SHC4: variants seen among roughly 807,000 people sequenced by gnomAD.
The protein encoded by SHC4 is SHC adaptor protein 4.
In SHC4, 41 loss-of-function variants were observed where a neutral mutation model predicts 69.4. The ratio of observed to expected loss-of-function variants is 0.59; its 90% CI spans 0.46 to 0.77. The LOEUF is 0.77. Ranked by LOEUF, SHC4 falls within the 30% of genes least tolerant of loss-of-function variation. The pLI is 0.00. For synonymous variants in SHC4, 318 were observed against 299.3 expected (o/e 1.06, Z -0.64); for missense variants, 777 against 783.8 (o/e 0.99, Z 0.10).
chr15:48,848,001 T>TAAAAAAAAAAAAAAAAAAAAAAAA (rs571529935), intron 9 of SHC4, among the ~76,000 whole-genome samples: 1 of 99,842 alleles, frequency 1.0e-5, no homozygotes, highest in Admixed American at 9.9e-5. Flanking sequence ...AAACTCCGTC[T>TAAAAAAAAAAAAAAAAAAAAAAAA]AAAAAAAAAA....
rs572890576 is a variant in SHC4 at position 48,942,361 on chromosome 15, G to A, written c.586-17412C>T. Among the ~76,000 whole-genome samples the A allele has an allele frequency of 1.4e-4, 21 of 152,004 alleles. No individual in the cohort carries two copies. The East Asian group carries it at 3.3e-3, about 24-fold the overall frequency. On this transcript the variant is annotated intron_variant, in intron 1 of 11. Coordinates refer to ENST00000332408, the MANE Select transcript of SHC4 (RefSeq NM_203349.4). ...CAAACATCAGGTTCCCATTAAAATC[G>A]AACATAGATTTTTGAATCAAACTCA...
chr15:48,916,282 C>T (rs1274001538), intron 2 of SHC4, among the ~76,000 whole-genome samples: 13 of 67,244 alleles, frequency 1.9e-4, no homozygotes, highest in African/African-American at 6.2e-4. Flanking sequence ...CTCACACACA[C>T]ACACACACAC....
chr15:48,907,838 G>A lies in SHC4; in HGVS notation c.657-17027C>T, dbSNP rs200327026. Among the ~76,000 whole-genome samples the A allele has an allele frequency of 4.8e-4, 55 of 113,780 alleles. No individual in the cohort carries two copies. In the East Asian group the frequency reaches 4.9e-3, roughly 10 times the overall value. 74.6% of individuals were successfully genotyped at this position (113,780 alleles called of 152,430 possible). On this transcript the variant is annotated intron_variant, in intron 2 of 11. Coordinates refer to ENST00000332408, the MANE Select transcript of SHC4 (RefSeq NM_203349.4). ...TATGTGTGTGTGTGTGTGTGTGTGT[G>A]TGTATATATATATATATGTATATGT...
At chr15:48,917,173 C>A (rs777307054) in intron 2 of SHC4, among the ~76,000 whole-genome samples, 1 of 149,084 alleles carries the variant, frequency 6.7e-6, no homozygotes, top group Non-Finnish European at 1.5e-5. Context: ...GATTTTTTTT[C>A]TTCTTTACTT....
At chr15:48,894,499 T>C (rs778084402) in intron 2 of SHC4, among the ~76,000 whole-genome samples, 10 of 152,164 alleles carry the variant, frequency 6.6e-5, no homozygotes, top group Non-Finnish European at 1.0e-4. Context: ...GTGACACCCA[T>C]AGAGAGACGG....
intron 11 of SHC4, among the ~76,000 whole-genome samples, chr15:48,834,311 C>T (rs1198922248): frequency 6.6e-6 from 1 of 152,104 alleles, no homozygotes; most frequent in East Asian, 1.9e-4. Flanking sequence ...CTATAAGAAA[C>T]CTTCTTAGTT....
chr15:48,928,281 T>A (rs1900892770), intron 1 of SHC4, among the ~76,000 whole-genome samples: 1 of 152,160 alleles, frequency 6.6e-6, no homozygotes, highest in African/African-American at 2.4e-5. Flanking sequence ...GGAGGTTTTG[T>A]AGTGAAGTGG....
intron 2 of SHC4, among the ~76,000 whole-genome samples, chr15:48,910,932 CT>C (rs1900498622): frequency 6.6e-6 from 1 of 152,034 alleles, no homozygotes; most frequent in African/African-American, 2.4e-5. Flanking sequence ...TGAGAGAGTG[CT>C]TGATATAATT....
At chr15:48,828,627 G>A (rs1243249644) in intron 11 of SHC4, among the ~76,000 whole-genome samples, 1 of 152,088 alleles carries the variant, frequency 6.6e-6, no homozygotes, top group Non-Finnish European at 1.5e-5. Context: ...AATAGTGCAC[G>A]AGGGCACCAA....
Position 48,824,917 on chromosome 15 carries a change from T to G in SHC4, c.*1054A>C, listed in dbSNP as rs957582938. On this transcript the variant is annotated 3_prime_UTR_variant, in exon 12 of 12. Transcript: ENST00000332408. ...CATGTGGAAAATCTTTCCAAGTGCT[T>G]CATTCAATATGTTTTTTTTTCCTTC... 1 of 98,930 alleles carries G rather than the reference T, an allele frequency of 1.0e-5. No homozygotes were observed. The highest frequency in any genetic ancestry group is 2.0e-5 in the Non-Finnish European group (1 of 48,962). The allele number at this position is 98,930 out of a possible 1,614,324, so 6.1% of individuals were successfully genotyped here.
chr15:48,908,744 G>A (rs544756388), intron 2 of SHC4, among the ~76,000 whole-genome samples: 1 of 152,242 alleles, frequency 6.6e-6, no homozygotes, highest in South Asian at 2.1e-4. Flanking sequence ...GAGTGATGAG[G>A]ATCCAGTTTC....
intron 2 of SHC4, among the ~76,000 whole-genome samples, chr15:48,892,712 A>C (rs1036847423): frequency 1.3e-5 from 2 of 152,092 alleles, no homozygotes; most frequent in African/African-American, 4.8e-5. Flanking sequence ...AAATACAAAA[A>C]ATTAGCCAGG....
At chr15:48,927,691 ACTC>A (rs1900878782) in intron 1 of SHC4, among the ~76,000 whole-genome samples, 1 of 150,644 alleles carries the variant, frequency 6.6e-6, no homozygotes, top group African/African-American at 2.4e-5. Flanking sequence ...CCTCCTTTCT[ACTC>A]CTCAAATACA....
intron 2 of SHC4, among the ~76,000 whole-genome samples, chr15:48,917,376 C>A (rs1163089205): frequency 1.3e-5 from 2 of 151,076 alleles, no homozygotes; most frequent in African/African-American, 4.9e-5. Context: ...ATAAGGAATA[C>A]ATTTTTATAG....
chr15:48,838,186 G>T (rs2140969800), intron 10 of SHC4, among the ~76,000 whole-genome samples: 1 of 152,242 alleles, frequency 6.6e-6, no homozygotes, highest in Non-Finnish European at 1.5e-5. Flanking sequence ...AAAATAAGGA[G>T]GTATACAAGG....
chr15:48,858,488 G>A (rs1353259896), intron 6 of SHC4, among the ~76,000 whole-genome samples: 1 of 152,160 alleles, frequency 6.6e-6, no homozygotes, highest in Non-Finnish European at 1.5e-5. Context: ...CTTTTTCTGA[G>A]GCACAGTTAC....
At chr15:48,865,267 G>C (rs560196258) in intron 6 of SHC4, among the ~76,000 whole-genome samples, 1 of 152,338 alleles carries the variant, frequency 6.6e-6, no homozygotes, top group Non-Finnish European at 1.5e-5. Context: ...CGGGGGAAAA[G>C]ATTTAGCACT....
At chr15:48,878,211 A>AT in intron 4 of SHC4, 1 of 1,591,948 alleles carries the variant, frequency 6.3e-7, no homozygotes, top group Non-Finnish European at 8.6e-7. Context: ...GAGCTGTATG[A>AT]AGAGAGCAGT....
chr15:48,878,546 G>A, intron 4 of SHC4: 3 of 1,614,088 alleles, frequency 1.9e-6, no homozygotes, highest in Middle Eastern at 1.6e-4. Context: ...CGGCTACAGA[G>A]TATCAGCCGC....
Sources: gnomAD v4.1 joint callset for allele counts (sites outside exome capture counted in the v4.1 genomes callset) on GRCh38, gnomAD v4.1.1 for gene constraint, MANE v1.5 for transcripts, NCBI Gene and HGNC (gene_info 2026-07-23, HGNC 2026-07-21) for gene names.